Variants in BBS4 observed in about 807,000 individuals in gnomAD.
The protein encoded by BBS4 is BBSome complex member BBS4.
Under a neutral mutation model 71.4 loss-of-function variants are expected in BBS4, and 58 were observed. The observed-to-expected ratio is 0.81, with a 90% CI of 0.66 to 1.01. The LOEUF is 1.01. Among genes scored for constraint, BBS4 ranks in the 50% least tolerant of loss-of-function variants. The probability of loss-of-function intolerance (pLI) is 0.00; values close to 1 mark genes in which losing one functional copy is unlikely to be tolerated. For missense variants in BBS4, 660 were observed against 607.9 expected, an observed-to-expected ratio of 1.09 and a Z score of -0.90; for synonymous variants, 228 against 216.8, an observed-to-expected ratio of 1.05 and a Z score of -0.46.
chr15:72,698,896 TAG>T (rs2065123960), intron 2 of BBS4, among the ~76,000 whole-genome samples: 1 of 152,206 alleles, frequency 6.6e-6, no homozygotes, highest in African/African-American at 2.4e-5. Context: ...TACAGAATTA[TAG>T]AGTTACAAGG....
At chr15:72,711,875 CT>C (rs58585635) in intron 3 of BBS4, among the ~76,000 whole-genome samples, 16,812 of 148,868 alleles carry the variant, frequency 0.11, 993 homozygotes, top group African/African-American at 0.16. Context: ...TATTTGTTTT[CT>C]TTTTTTTTTC....
chr15:72,697,382 T>A (rs1334862168), intron 2 of BBS4, among the ~76,000 whole-genome samples: 2 of 152,222 alleles, frequency 1.3e-5, no homozygotes, highest in South Asian at 4.1e-4. Context: ...TAGTTCAGGT[T>A]TTTTCAGCTT....
At chr15:72,715,234 C>A (rs2065446717) in intron 4 of BBS4, 57 bp from the exon 5 acceptor site, 1 of 1,320,008 alleles carries the variant, frequency 7.6e-7, no homozygotes, top group Non-Finnish European at 1.1e-6. Flanking sequence ...TGACCCCAGG[C>A]TCCATTCTTC....
rs1439761390 is a variant in BBS4, at chr15:72,695,728, C to T, written c.76+500C>T. ...ATTAGATATTAGGAGGTTGGTTTGA[C>T]CTGGAAATTATTTAAATGGGGTTTG... On this transcript the variant is annotated intron_variant, in intron 2 of 15. Coordinates refer to ENST00000268057, the MANE Select transcript of BBS4 (RefSeq NM_033028.5). Among the ~76,000 whole-genome samples, 3 of 152,290 alleles carry T rather than the reference C, an allele frequency of 2.0e-5. No homozygotes were observed. In the East Asian group the frequency reaches 5.8e-4, roughly 29 times the overall value.
intron 2 of BBS4, among the ~76,000 whole-genome samples, chr15:72,698,660 G>A (rs957258720): frequency 2.6e-5 from 4 of 152,070 alleles, no homozygotes; most frequent in Admixed American, 1.3e-4. Flanking sequence ...TTTCCTTAGA[G>A]TCTTTATATG....
chr15:72,702,909 G>A (rs1311149702), intron 2 of BBS4, among the ~76,000 whole-genome samples: 2 of 143,832 alleles, frequency 1.4e-5, no homozygotes, highest in Non-Finnish European at 1.5e-5. Flanking sequence ...CCGGGTTCAC[G>A]CCATTCTCCT....
intron 2 of BBS4, among the ~76,000 whole-genome samples, chr15:72,706,377 C>A (rs2065264834): frequency 6.6e-6 from 1 of 152,264 alleles, no homozygotes; most frequent in South Asian, 2.1e-4. Context: ...ACCTCATGAT[C>A]CACCTGCGTG....
chr15:72,695,992 C>T (rs1278210295), intron 2 of BBS4, among the ~76,000 whole-genome samples: 1 of 152,126 alleles, frequency 6.6e-6, no homozygotes, highest in East Asian at 1.9e-4. Context: ...TCAATTAGGT[C>T]AAGTTGGTTG....
At chr15:72,689,929 G>C (rs1023550706) in intron 1 of BBS4, among the ~76,000 whole-genome samples, 8 of 151,986 alleles carry the variant, frequency 5.3e-5, no homozygotes, top group Admixed American at 3.3e-4. Flanking sequence ...TCCAGCCTGA[G>C]CCTCCGGAGT....
At chr15:72,736,737 C>CT in intron 14 of BBS4, 25 bp from the exon 15 acceptor site, 1 of 1,613,222 alleles carries the variant, frequency 6.2e-7, no homozygotes, top group Non-Finnish European at 8.5e-7. Flanking sequence ...GCTTTTGATT[C>CT]TTTTACTTCC....
At position 72,730,427 on chromosome 15, in the gene BBS4, A is replaced by T. The variant is rs560275177; in HGVS notation, c.711+743A>T. ...GGCTGGGCCACATAGTGAGACCCCC[A>T]TTTCTACAAAAAAAATTATCCAGGC... On this transcript the variant is annotated intron_variant, in intron 10 of 15. Transcript: ENST00000268057. Among the ~76,000 whole-genome samples the T allele has an allele frequency of 3.3e-5, 5 of 152,184 alleles. 1 individual carries two copies. In the South Asian group the frequency reaches 1.0e-3, roughly 32 times the overall value.
intron 7 of BBS4, 80 bp from the exon 8 acceptor site, chr15:72,724,448 T>C: frequency 6.3e-7 from 1 of 1,592,862 alleles, no homozygotes; most frequent in South Asian, 1.1e-5. Flanking sequence ...CAGCAGAAAG[T>C]GTCTTTACAT....
chr15:72,707,400 A>G (rs1349298628), intron 2 of BBS4, among the ~76,000 whole-genome samples: 1 of 151,886 alleles, frequency 6.6e-6, no homozygotes, highest in East Asian at 1.9e-4. Flanking sequence ...GCTGACCTCA[A>G]ACTCCTGGAC....
intron 2 of BBS4, among the ~76,000 whole-genome samples, chr15:72,706,083 C>T (rs2151011599): frequency 6.6e-6 from 1 of 152,250 alleles, no homozygotes; most frequent in East Asian, 1.9e-4. Flanking sequence ...CTGGGTCATG[C>T]AGTTGAGACT....
At chr15:72,715,723 T>C (rs2065456729) in intron 5 of BBS4, among the ~76,000 whole-genome samples, 1 of 152,236 alleles carries the variant, frequency 6.6e-6, no homozygotes, top group African/African-American at 2.4e-5. Context: ...GGAATTTTTC[T>C]CATCTACTCT....
chr15:72,721,129 A>G (rs970153193), intron 6 of BBS4, among the ~76,000 whole-genome samples: 1 of 152,188 alleles, frequency 6.6e-6, no homozygotes, highest in Non-Finnish European at 1.5e-5. Context: ...TCAAATCCCA[A>G]TGTTCTATAA....
chr15:72,715,144 A>G, intron 4 of BBS4, 147 bp from the exon 5 acceptor site: 1 of 668,430 alleles, frequency 1.5e-6, no homozygotes, highest in Non-Finnish European at 2.7e-6. Context: ...GTCCAAAGCC[A>G]TATCTGATTG....
At chr15:72,710,195 G>GTTTTTTTTTTTTTTTTTTTTTTTTT (rs66684005) in intron 3 of BBS4, among the ~76,000 whole-genome samples, 1 of 103,436 alleles carries the variant, frequency 9.7e-6, no homozygotes, top group African/African-American at 3.7e-5. Context: ...ATTTTGTCGA[G>GTTTTTTTTTTTTTTTTTTTTTTTTT]TTTTTTTTTT....
intron 15 of BBS4, 146 bp from the exon 16 acceptor site, chr15:72,737,332 C>A: frequency 1.4e-6 from 1 of 699,166 alleles, no homozygotes; most frequent in Non-Finnish European, 2.4e-6. Context: ...CTTTATTTCT[C>A]AGTTATAGTC....
Sources: allele counts gnomAD v4.1 joint callset (sites outside exome capture counted in the v4.1 genomes callset), GRCh38; gene constraint gnomAD v4.1.1; transcripts MANE v1.5; gene names NCBI Gene and HGNC (gene_info 2026-07-23, HGNC 2026-07-21).